CCN6: variants seen among roughly 807,000 people sequenced by gnomAD.
CCN6 encodes cellular communication network factor 6.
CCN6 carries 31 observed loss-of-function variants against 37.4 expected under a neutral mutation model. The observed-to-expected ratio is 0.83, with a 90% CI of 0.62 to 1.12. The LOEUF (loss-of-function observed/expected upper bound fraction) is 1.12. CCN6 is among the 50% of genes most tolerant of loss of function. The pLI, the probability that CCN6 is intolerant of heterozygous loss-of-function variation, is 0.00. For synonymous variants in CCN6, 137 were observed against 142.1 expected, an observed-to-expected ratio of 0.96 and a Z score of 0.26; for missense variants, 369 against 413.8, an observed-to-expected ratio of 0.89 and a Z score of 0.94.
intron 1 of CCN6, chr6:112,060,175 A>T: frequency 7.7e-7 from 1 of 1,306,364 alleles, no homozygotes; most frequent in Non-Finnish European, 1.0e-6. Context: ...TTTACATGGA[A>T]ATGGGAGGCC....
intron 3 of CCN6, chr6:112,067,158 T>G: frequency 1.5e-6 from 1 of 648,646 alleles, no homozygotes; most frequent in Non-Finnish European, 2.1e-6. Context: ...AAGAGACTAT[T>G]TCCTATGAAG....
intron 2 of CCN6, among the ~76,000 whole-genome samples, chr6:112,061,691 G>A (rs587729910): frequency 6.6e-6 from 1 of 152,256 alleles, no homozygotes; most frequent in Non-Finnish European, 1.5e-5. Context: ...TGTATACCCA[G>A]TATTCAGACA....
chr6:112,054,724 AAC>A, intron 1 of CCN6: 1 of 361,500 alleles, frequency 2.8e-6, no homozygotes, highest in East Asian at 6.6e-5. Flanking sequence ...CAGTGCGGGA[AAC>A]AGTGTCTCTC....
Position 112,064,994 on chromosome 6 carries a change from C to T in CCN6, c.586C>T (p.Pro196Ser). The change falls in exon 3 of 5, where the codon CCA becomes TCA. Residue 196 changes from proline to serine, a missense_variant. Transcript: ENST00000368666. ...GCTTTCAACAAGCTACAAAACAATG[C>T]CAGGTGCTCAGAAGTAGAGCTATTT... ...QQLSTSYKTM[P>S]AYRNLPLIWK... 1 of 1,613,892 alleles carries T rather than the reference C, an allele frequency of 6.2e-7. No homozygotes were observed. The highest frequency in any genetic ancestry group is 8.5e-7 in the Non-Finnish European group (1 of 1,179,874).
rs183657215 is a variant in CCN6, at chr6:112,066,833, C to T, written c.590-1372C>T. On this transcript the variant is annotated intron_variant, in intron 3 of 4. Coordinates refer to ENST00000368666, the MANE Select transcript of CCN6 (RefSeq NM_198239.2). The stretch of plus-strand genomic sequence containing the variant: ...CATGCTTTTTTCAATGCTCACCAAA[C>T]ACTAAGCTTTGTTTAAAAAATCTCT... 1.8e-5 allele frequency: 11 copies of T among 595,918 alleles called. No individual in the cohort carries two copies. The Admixed American group carries it at 3.4e-4, about 19-fold the overall frequency. 36.9% of individuals were successfully genotyped at this position (595,918 alleles called of 1,614,324 possible). A position where few individuals can be genotyped will look rare whatever the true frequency, so the allele number is the denominator to read the frequency against.
chr6:112,053,114 G>A (rs587609300), upstream of CCN6, among the ~76,000 whole-genome samples: 4 of 152,180 alleles, frequency 2.6e-5, no homozygotes, highest in East Asian at 7.7e-4. Context: ...ACGCCTCAGG[G>A]ACCTGAGAGG....
Position 112,065,622 on chromosome 6 carries a change from G to GCACACACA in CCN6, c.589+628_589+629insACACACAC, listed in dbSNP as rs1562597732. Among the ~76,000 whole-genome samples, 232 of 137,326 alleles carry GCACACACA rather than the reference G, an allele frequency of 1.7e-3. 1 individual carries two copies. Among genetic ancestry groups the GCACACACA allele is most frequent in the Non-Finnish European group, 3.0e-3 (183 of 61,996 alleles). 90.1% of individuals were successfully genotyped at this position (137,326 alleles called of 152,430 possible). A position where few individuals can be genotyped will look rare whatever the true frequency, so the allele number is the denominator to read the frequency against. Reference sequence around the variant, plus strand: ...CACAAACACACACGCACACACACACGCACGCACACACACACACACACAAAC... The same window carrying GCACACACA: ...CACAAACACACACGCACACACACACGCACACACACACGCACACACACACACACACAAAC... On this transcript the variant is annotated intron_variant, in intron 3 of 4. Coordinates refer to ENST00000368666, the MANE Select transcript of CCN6 (RefSeq NM_198239.2).
At chr6:112,056,938 A>G (rs1776366130) in intron 1 of CCN6, among the ~76,000 whole-genome samples, 1 of 152,012 alleles carries the variant, frequency 6.6e-6, no homozygotes, top group African/African-American at 2.4e-5. Flanking sequence ...ATGAGAAGTC[A>G]GATCTCATTT....
rs1562597685 is a variant in CCN6 at position 112,065,613 on chromosome 6, C to CACACACACAA, written c.589+624_589+625insAAACACACAC. ...GCACACACACACAAACACACACGCA[C>CACACACACAA]ACACACACGCACGCACACACACACA... is the stretch of plus-strand genomic sequence containing the variant. On this transcript the variant is annotated intron_variant, in intron 3 of 4. Coordinates refer to ENST00000368666, the MANE Select transcript of CCN6 (RefSeq NM_198239.2). 1.8e-3 allele frequency among the ~76,000 whole-genome samples: 235 copies of CACACACACAA among 131,826 alleles called. 1 individual carries two copies. The highest frequency in any genetic ancestry group is 3.1e-3 in the Non-Finnish European group (185 of 60,302). The allele number at this position is 131,826 out of a possible 152,430, so 86.5% of individuals were successfully genotyped here. A position where few individuals can be genotyped will look rare whatever the true frequency, so the allele number is the denominator to read the frequency against.
intron 3 of CCN6, among the ~76,000 whole-genome samples, chr6:112,065,586 A>G (rs1374025249): frequency 9.2e-6 from 1 of 108,146 alleles, no homozygotes; most frequent in African/African-American, 3.7e-5. Context: ...AAACACACAC[A>G]CGCACACACA....
At chr6:112,061,452 G>T in intron 2 of CCN6, 164 bp downstream of exon 2, 1 of 821,418 alleles carries the variant, frequency 1.2e-6, no homozygotes, top group Admixed American at 2.1e-5. Context: ...GATACTATGT[G>T]AAATTAGCAG....
At chr6:112,063,701 T>C (rs1311669854) in intron 2 of CCN6, among the ~76,000 whole-genome samples, 1 of 152,214 alleles carries the variant, frequency 6.6e-6, no homozygotes, top group Non-Finnish European at 1.5e-5. Context: ...CAGGCTCAGT[T>C]TGCTCATCTT....
chr6:112,065,624 A>ACG (rs200606740), intron 3 of CCN6, among the ~76,000 whole-genome samples: 6 of 88,074 alleles, frequency 6.8e-5, no homozygotes, highest in South Asian at 2.7e-4. Flanking sequence ...ACACACACGC[A>ACG]CGCACACACA....
At chr6:112,062,258 G>A (rs10484466) in intron 2 of CCN6, among the ~76,000 whole-genome samples, 39,859 of 151,970 alleles carry the variant, frequency 0.26, 5,254 homozygotes, top group East Asian at 0.32. Flanking sequence ...GACATAAAAC[G>A]CCTAGCACAA....
At chr6:112,066,139 A>G (rs1554313928) in intron 3 of CCN6, among the ~76,000 whole-genome samples, 1 of 152,176 alleles carries the variant, frequency 6.6e-6, no homozygotes. Context: ...CAGCAACTCC[A>G]GTTTTGTCAG....
chr6:112,063,391 C>A (rs587680200), intron 2 of CCN6, among the ~76,000 whole-genome samples: 2 of 152,256 alleles, frequency 1.3e-5, no homozygotes, highest in South Asian at 4.1e-4. Flanking sequence ...ATGCATTGGT[C>A]TATCCAAGAC....
chr6:112,054,145 A>C lies in CCN6; in HGVS notation c.-213A>C, dbSNP rs1776274961. The C allele has an allele frequency of 1.3e-6, 1 of 764,558 alleles. No individual in the cohort carries two copies. The highest frequency in any genetic ancestry group is 2.4e-6 in the Non-Finnish European group (1 of 420,384). 47.4% of individuals were successfully genotyped at this position (764,558 alleles called of 1,614,324 possible). The stretch of plus-strand genomic sequence containing the variant: ...ACGCTCACTGCGAAGGCAGGTTATT[A>C]GAAGAGTCCCATGAAAGTAAACAGG... On this transcript the variant is annotated 5_prime_UTR_variant, in exon 1 of 5. Transcript: ENST00000368666.
intron 3 of CCN6, chr6:112,066,963 T>C (rs782538539): frequency 2.9e-6 from 4 of 1,366,216 alleles, no homozygotes; most frequent in Non-Finnish European, 3.9e-6. Flanking sequence ...CCTTTATTTA[T>C]TGCAGATGTG....
intron 3 of CCN6, 151 bp downstream of exon 3, chr6:112,065,148 C>T: frequency 8.0e-7 from 1 of 1,250,274 alleles, no homozygotes; most frequent in East Asian, 2.4e-5. Flanking sequence ...ATCTTTGCCT[C>T]AGACAGGGAT....
Sources: gnomAD v4.1 joint callset for allele counts (sites outside exome capture counted in the v4.1 genomes callset) on GRCh38, gnomAD v4.1.1 for gene constraint, MANE v1.5 for transcripts, NCBI Gene and HGNC (gene_info 2026-07-23, HGNC 2026-07-21) for gene names.